The following ELL2 variants were observed in gnomAD, a reference collection of about 807,000 sequenced individuals.
ELL2 encodes elongation factor for RNA polymerase II 2, also known as RNA polymerase II elongation factor ELL2.
A neutral mutation model predicts 72.8 loss-of-function variants in ELL2; 21 were observed. That is an observed-to-expected ratio of 0.29 (90% CI 0.20 to 0.42). The LOEUF is 0.42. Ranked by LOEUF, ELL2 falls within the 10% of genes least tolerant of loss-of-function variation. ELL2 has a pLI of 1.00. For synonymous variants in ELL2, 266 were observed against 283.2 expected, an observed-to-expected ratio of 0.94 and a Z score of 0.61; for missense variants, 568 against 772.8, an observed-to-expected ratio of 0.73 and a Z score of 3.14.
At chr5:95,939,361 C>T (rs1280971252) in intron 2 of ELL2, among the ~76,000 whole-genome samples, 1 of 132,528 alleles carries the variant, frequency 7.5e-6, no homozygotes. Context: ...CCATGCCATG[C>T]CCATCCCTGC....
intron 1 of ELL2, among the ~76,000 whole-genome samples, chr5:95,960,226 A>T (rs1751772102): frequency 6.6e-6 from 1 of 151,664 alleles, no homozygotes; most frequent in African/African-American, 2.4e-5. Flanking sequence ...CGAACGGGCT[A>T]TTTGTAAGAT....
chr5:95,960,876 C>T (rs1751812862), intron 1 of ELL2, among the ~76,000 whole-genome samples: 2 of 151,450 alleles, frequency 1.3e-5, no homozygotes, highest in Non-Finnish European at 1.5e-5. Flanking sequence ...GTGTCCCCTC[C>T]CCCCCCGTAC....
intron 8 of ELL2, among the ~76,000 whole-genome samples, chr5:95,896,307 T>C (rs1748874795): frequency 6.6e-6 from 1 of 151,910 alleles, no homozygotes; most frequent in African/African-American, 2.4e-5. Flanking sequence ...ACAAAAGAAG[T>C]GCTAAACATT....
intron 1 of ELL2, among the ~76,000 whole-genome samples, chr5:95,955,119 A>T (rs569178542): frequency 6.6e-6 from 1 of 152,104 alleles, no homozygotes; most frequent in East Asian, 1.9e-4. Context: ...TACCTATGCC[A>T]TTGTTTCTGC....
intron 2 of ELL2, among the ~76,000 whole-genome samples, chr5:95,925,863 C>G (rs1750262425): frequency 6.6e-6 from 1 of 152,144 alleles, no homozygotes; most frequent in South Asian, 2.1e-4. Context: ...TATCTAAAAT[C>G]TATTATTTGA....
intron 5 of ELL2, among the ~76,000 whole-genome samples, chr5:95,903,036 T>C (rs1749200379): frequency 6.6e-6 from 1 of 151,966 alleles, no homozygotes; most frequent in South Asian, 2.1e-4. Flanking sequence ...CAATCTTCCC[T>C]TGGCCTCCTA....
chr5:95,960,563 G>A (rs918464566), intron 1 of ELL2, among the ~76,000 whole-genome samples: 1 of 151,936 alleles, frequency 6.6e-6, no homozygotes, highest in Non-Finnish European at 1.5e-5. Flanking sequence ...TCGAAAACGA[G>A]GGGTGAGAGG....
chr5:95,895,660 T>C lies in ELL2; in HGVS notation c.1557A>G (p.Glu519=), dbSNP rs746502931. The C allele has an allele frequency of 1.2e-6, 2 of 1,614,132 alleles. No homozygotes were observed. The highest frequency in any genetic ancestry group is 8.5e-7 in the Non-Finnish European group (1 of 1,180,008). ...AATCTGGGAGTTCAATTGCTGAAGG[T>C]TCCATGGAGGCAGTGCAATCCTCTT... ...GVKEDCTASM[E]PSAIELPDYL... The change falls in exon 9 of 12, where the codon GAA becomes GAG. Residue 519 remains glutamate, a synonymous_variant. Transcript: ENST00000237853.
intron 4 of ELL2, chr5:95,913,329 G>A (rs1416911302): frequency 6.5e-6 from 1 of 152,734 alleles, no homozygotes; most frequent in Non-Finnish European, 1.5e-5. Context: ...CTCTGAAAAT[G>A]TAAGCAAAAT....
intron 3 of ELL2, 26 bp downstream of exon 3, chr5:95,919,398 T>C: frequency 6.4e-7 from 1 of 1,565,116 alleles, no homozygotes; most frequent in African/African-American, 1.4e-5. Context: ...ATTTTTCCCC[T>C]TCAGTGTACC....
chr5:95,945,150 A>T (rs1751108812), intron 1 of ELL2, among the ~76,000 whole-genome samples: 2 of 152,072 alleles, frequency 1.3e-5, no homozygotes, highest in South Asian at 2.1e-4. Context: ...TGCATTAGAA[A>T]CTCACAATGG....
intron 1 of ELL2, among the ~76,000 whole-genome samples, chr5:95,954,388 T>C (rs963887314): frequency 1.3e-5 from 2 of 150,846 alleles, no homozygotes; most frequent in Non-Finnish European, 3.0e-5. Flanking sequence ...CTTTAAAATA[T>C]CTTGTTAAAT....
At chr5:95,954,596 C>CT (rs1169301940) in intron 1 of ELL2, among the ~76,000 whole-genome samples, 4,222 of 105,862 alleles carry the variant, frequency 0.04, 271 homozygotes, top group East Asian at 0.32. Context: ...TTTTTTTTTT[C>CT]TTTTTTTTTT....
chr5:95,954,913 C>T (rs949581082), intron 1 of ELL2, among the ~76,000 whole-genome samples: 2 of 152,148 alleles, frequency 1.3e-5, no homozygotes, highest in Non-Finnish European at 2.9e-5. Context: ...AATCCTAAAA[C>T]GTAGATCAAA....
In ELL2 at chr5:95,916,447, A is replaced by C. The variant is rs532755437; in HGVS notation, c.318-2513T>G. ...TGAGACTGAAAAGCCACAGCTACAG[A>C]GGTAGGAAGGAAACCAGAAGAGTAC... is the stretch of plus-strand genomic sequence containing the variant. On this transcript the variant is annotated intron_variant, in intron 3 of 11. Coordinates refer to ENST00000237853, the MANE Select transcript of ELL2 (RefSeq NM_012081.6). 1.2e-4 allele frequency among the ~76,000 whole-genome samples: 18 copies of C among 152,312 alleles called. No individual in the cohort carries two copies. The East Asian group carries it at 2.9e-3, about 25-fold the overall frequency.
intron 2 of ELL2, among the ~76,000 whole-genome samples, chr5:95,942,163 A>G (rs766906369): frequency 1.8e-4 from 28 of 152,214 alleles, no homozygotes; most frequent in Non-Finnish European, 3.2e-4. Flanking sequence ...ACACTTTTGC[A>G]TTTTGTGACA....
chr5:95,952,284 CA>C (rs1323260688), intron 1 of ELL2, among the ~76,000 whole-genome samples: 1 of 152,074 alleles, frequency 6.6e-6, no homozygotes, highest in Non-Finnish European at 1.5e-5. Flanking sequence ...AGGGGAATAA[CA>C]GACACTAGGG....
chr5:95,902,418 C>T (rs1318139054), intron 5 of ELL2, among the ~76,000 whole-genome samples: 1 of 152,194 alleles, frequency 6.6e-6, no homozygotes, highest in African/African-American at 2.4e-5. Context: ...TATCCCTTAA[C>T]TGCAATTCCT....
chr5:95,921,666 G>A (rs1004942431), intron 2 of ELL2, among the ~76,000 whole-genome samples: 2 of 152,336 alleles, frequency 1.3e-5, no homozygotes, highest in Admixed American at 1.3e-4. Flanking sequence ...TCAGGCACAA[G>A]AGAACATAAG....
Sources: gnomAD v4.1 joint callset for allele counts (sites outside exome capture counted in the v4.1 genomes callset) on GRCh38, gnomAD v4.1.1 for gene constraint, MANE v1.5 for transcripts, NCBI Gene and HGNC (gene_info 2026-07-23, HGNC 2026-07-21) for gene names.